UNC79: variants seen among roughly 807,000 people sequenced by gnomAD.
UNC79 encodes the protein protein unc-79 homolog.
In UNC79, 37 loss-of-function variants were observed where a neutral mutation model predicts 283.1. The ratio of observed to expected loss-of-function variants is 0.13; its 90% CI spans 0.10 to 0.17. UNC79 has a LOEUF of 0.17. UNC79 is among the 10% of genes least tolerant of loss of function. The pLI is 1.00. For missense variants in UNC79, 2,272 were observed against 3,211.1 expected, an observed-to-expected ratio of 0.71 and a Z score of 7.07; for synonymous variants, 1,107 against 1,200.2, an observed-to-expected ratio of 0.92 and a Z score of 1.61.
At chr14:93,667,099 TTTC>T (rs899888813) in intron 40 of UNC79, among the ~76,000 whole-genome samples, 7 of 150,990 alleles carry the variant, frequency 4.6e-5, no homozygotes, top group Non-Finnish European at 1.0e-4. Context: ...AGCAAGACCC[TTTC>T]TTCTTCTTTG....
intron 45 of UNC79, 67 bp from the exon 49 acceptor site, chr14:93,691,682 G>A: frequency 6.4e-7 from 1 of 1,572,268 alleles, no homozygotes. Flanking sequence ...AGCCATGCGG[G>A]AGGACTCCGT....
At chr14:93,453,996 G>A (rs1216257243) in intron 1 of UNC79, among the ~76,000 whole-genome samples, 3 of 151,718 alleles carry the variant, frequency 2.0e-5, no homozygotes, top group Admixed American at 6.6e-5. Flanking sequence ...TTTATTGCAA[G>A]TGTCCCATCT....
At chr14:93,524,027 C>T in exon 8 of UNC79, 1 of 1,614,134 alleles carries the variant, frequency 6.2e-7, no homozygotes, top group Non-Finnish European at 8.5e-7. Flanking sequence ...ATGCAATTAA[C>T]AAACCAGCTG....
At chr14:93,660,029 C>G (rs2071369512) in intron 39 of UNC79, among the ~76,000 whole-genome samples, 1 of 152,182 alleles carries the variant, frequency 6.6e-6, no homozygotes, top group Admixed American at 6.5e-5. Context: ...TCCAATGAGA[C>G]CACAAGCTTC....
intron 31 of UNC79, among the ~76,000 whole-genome samples, chr14:93,636,282 AT>A (rs1372099914): frequency 4.6e-5 from 7 of 152,204 alleles, no homozygotes; most frequent in African/African-American, 1.2e-4. Flanking sequence ...TGCTGTCTGA[AT>A]TTCTTTCCCG....
intron 1 of UNC79, among the ~76,000 whole-genome samples, chr14:93,352,415 C>T (rs1164464410): frequency 1.3e-5 from 2 of 152,194 alleles, no homozygotes; most frequent in African/African-American, 4.8e-5. Context: ...GGAATCTTTT[C>T]CATAGAACTT....
intron 1 of UNC79, among the ~76,000 whole-genome samples, chr14:93,376,082 G>GA (rs1798650030): frequency 2.6e-5 from 4 of 152,254 alleles, no homozygotes; most frequent in Admixed American, 2.6e-4. Context: ...ATAACTGTAA[G>GA]AAATAAATTT....
chr14:93,500,464 GA>G (rs984406062), intron 7 of UNC79, among the ~76,000 whole-genome samples: 25 of 149,268 alleles, frequency 1.7e-4, no homozygotes, highest in East Asian at 3.9e-4. Flanking sequence ...AAAGATCACA[GA>G]AAAAAAAAAT....
chr14:93,496,881 G>C (rs2059037304), intron 6 of UNC79, among the ~76,000 whole-genome samples: 1 of 152,102 alleles, frequency 6.6e-6, no homozygotes. Context: ...TCTTTCTTTA[G>C]CATCAATCTG....
At chr14:93,636,573 A>G (rs2068523832) in intron 31 of UNC79, among the ~76,000 whole-genome samples, 2 of 152,206 alleles carry the variant, frequency 1.3e-5, no homozygotes, top group Admixed American at 6.5e-5. Flanking sequence ...GGATCTGATC[A>G]GTTCACGTCA....
At chr14:93,421,961 C>G (rs1221341822) in intron 1 of UNC79, among the ~76,000 whole-genome samples, 1 of 151,718 alleles carries the variant, frequency 6.6e-6, no homozygotes, top group Non-Finnish European at 1.5e-5. Flanking sequence ...TTCAACACCT[C>G]TTCATGATAA....
At chr14:93,555,123 A>G (rs1015900635) in intron 14 of UNC79, among the ~76,000 whole-genome samples, 1 of 152,258 alleles carries the variant, frequency 6.6e-6, no homozygotes, top group African/African-American at 2.4e-5. Flanking sequence ...CTGAATGCCT[A>G]AATTTTAAAG....
At chr14:93,479,144 G>C (rs1467424523) in intron 4 of UNC79, among the ~76,000 whole-genome samples, 1 of 151,532 alleles carries the variant, frequency 6.6e-6, no homozygotes, top group African/African-American at 2.4e-5. Context: ...AGAATTTTTG[G>C]TTTTTTGAAG....
At chr14:93,625,231 T>C (rs2067472448) in intron 30 of UNC79, among the ~76,000 whole-genome samples, 2 of 152,126 alleles carry the variant, frequency 1.3e-5, no homozygotes, top group Admixed American at 6.5e-5. Flanking sequence ...GGCAGCATCT[T>C]CCTTGCTCCA....
chr14:93,657,642 C>G (rs142773092), intron 38 of UNC79, among the ~76,000 whole-genome samples: 13 of 152,052 alleles, frequency 8.5e-5, no homozygotes, highest in Admixed American at 7.2e-4. Flanking sequence ...TGAGCCAAAG[C>G]GCCCGGCTGA....
chr14:93,590,226 C>G (rs117477204), intron 22 of UNC79, among the ~76,000 whole-genome samples: 2,833 of 152,218 alleles, frequency 0.019, 46 homozygotes, highest in Middle Eastern at 0.037. Context: ...TCTGATTGCA[C>G]ATGAATTTTC....
intron 1 of UNC79, among the ~76,000 whole-genome samples, chr14:93,443,711 C>T (rs773023980): frequency 2.6e-5 from 4 of 152,194 alleles, no homozygotes; most frequent in Admixed American, 6.5e-5. Context: ...GCATGAGCCA[C>T]GGCACCTGGC....
chr14:93,390,287 T>G (rs1003831014), intron 1 of UNC79, among the ~76,000 whole-genome samples: 5 of 152,120 alleles, frequency 3.3e-5, no homozygotes, highest in Middle Eastern at 3.2e-3. Flanking sequence ...GATAAAAACA[T>G]TCAACAAATT....
intron 1 of UNC79, among the ~76,000 whole-genome samples, chr14:93,454,360 T>C (rs951350741): frequency 6.6e-6 from 1 of 152,178 alleles, no homozygotes; most frequent in African/African-American, 2.4e-5. Flanking sequence ...TTTTTTCCAT[T>C]GACAGGTGTT....
Sources: allele counts gnomAD v4.1 joint callset (sites outside exome capture counted in the v4.1 genomes callset), GRCh38; gene constraint gnomAD v4.1.1; transcripts MANE v1.5; gene names NCBI Gene and HGNC (gene_info 2026-07-23, HGNC 2026-07-21).